The following NLGN1 variants were observed in gnomAD, a reference collection of about 807,000 sequenced individuals.
The protein encoded by NLGN1 is neuroligin 1.
In NLGN1, 12 loss-of-function variants were observed where a neutral mutation model predicts 65.5. That is an observed-to-expected ratio of 0.18 (90% CI 0.12 to 0.30). The LOEUF is 0.30. NLGN1 is among the 10% of genes least tolerant of loss of function. NLGN1 has a pLI of 1.00. For synonymous variants in NLGN1, 350 were observed against 359.5 expected, an observed-to-expected ratio of 0.97 and a Z score of 0.30; for missense variants, 750 against 1,007.1, an observed-to-expected ratio of 0.74 and a Z score of 3.46.
At chr3:173,411,953 G>A (rs1353341865) in intron 1 of NLGN1, among the ~76,000 whole-genome samples, 1 of 152,160 alleles carries the variant, frequency 6.6e-6, no homozygotes, top group Non-Finnish European at 1.5e-5. Context: ...TTCTGAAAGA[G>A]AATGGCAGAA....
At chr3:174,168,899 TA>T (rs1219576377) in intron 4 of NLGN1, among the ~76,000 whole-genome samples, 1 of 152,084 alleles carries the variant, frequency 6.6e-6, no homozygotes, top group Non-Finnish European at 1.5e-5. Flanking sequence ...TGCATGGGGA[TA>T]GGGGGTGGTC....
intron 4 of NLGN1, among the ~76,000 whole-genome samples, chr3:174,249,117 A>T (rs1383222052): frequency 6.6e-6 from 1 of 152,250 alleles, no homozygotes; most frequent in African/African-American, 2.4e-5. Flanking sequence ...AATGATGCAC[A>T]TCTTGAGTCC....
At chr3:173,883,522 A>G (rs977791275) in intron 4 of NLGN1, among the ~76,000 whole-genome samples, 6 of 152,196 alleles carry the variant, frequency 3.9e-5, no homozygotes, top group African/African-American at 1.4e-4. Flanking sequence ...TGTTGTTGAA[A>G]AACCGGTGCT....
intron 4 of NLGN1, among the ~76,000 whole-genome samples, chr3:173,996,214 A>G (rs1208038595): frequency 6.6e-6 from 1 of 152,204 alleles, no homozygotes; most frequent in Non-Finnish European, 1.5e-5. Flanking sequence ...TATAATTTAC[A>G]TAATGGTTTC....
At chr3:174,088,038 GTATGTA>G (rs1273619977) in intron 4 of NLGN1, among the ~76,000 whole-genome samples, 3 of 152,172 alleles carry the variant, frequency 2.0e-5, no homozygotes, top group Admixed American at 2.0e-4. Context: ...TTATATATGT[GTATGTA>G]TAGCGTATAT....
intron 2 of NLGN1, among the ~76,000 whole-genome samples, chr3:173,535,387 C>T (rs934350530): frequency 6.6e-6 from 1 of 152,180 alleles, no homozygotes; most frequent in African/African-American, 2.4e-5. Context: ...TGCATGGCTA[C>T]GTGATAAGTT....
intron 2 of NLGN1, among the ~76,000 whole-genome samples, chr3:173,447,627 T>C (rs985184742): frequency 1.3e-5 from 2 of 152,214 alleles, no homozygotes; most frequent in Non-Finnish European, 1.5e-5. Context: ...GGGGATGGCA[T>C]TGAATCTATA....
At chr3:174,156,770 G>A (rs945905143) in intron 4 of NLGN1, among the ~76,000 whole-genome samples, 3 of 151,522 alleles carry the variant, frequency 2.0e-5, no homozygotes, top group African/African-American at 7.3e-5. Flanking sequence ...TGTGATTAAT[G>A]TCAAAATGTA....
intron 4 of NLGN1, among the ~76,000 whole-genome samples, chr3:174,098,191 G>A (rs1711528263): frequency 6.6e-6 from 1 of 152,032 alleles, no homozygotes; most frequent in African/African-American, 2.4e-5. Context: ...TCCAGGATTG[G>A]GACTATTTCC....
At chr3:173,720,237 T>C (rs1175278331) in intron 3 of NLGN1, among the ~76,000 whole-genome samples, 1 of 152,196 alleles carries the variant, frequency 6.6e-6, no homozygotes, top group Non-Finnish European at 1.5e-5. Context: ...AAATAAACAC[T>C]CTTGAGAGAG....
At chr3:173,729,443 A>G (rs1245603437) in intron 3 of NLGN1, among the ~76,000 whole-genome samples, 2 of 152,140 alleles carry the variant, frequency 1.3e-5, no homozygotes, top group East Asian at 1.9e-4. Flanking sequence ...AGGCTTTGGT[A>G]TCTAAAGATT....
At chr3:173,776,402 C>A (rs1348234955) in intron 3 of NLGN1, among the ~76,000 whole-genome samples, 1 of 151,836 alleles carries the variant, frequency 6.6e-6, no homozygotes, top group Non-Finnish European at 1.5e-5. Context: ...CAGCTTTGTT[C>A]CTCTCTCATT....
intron 3 of NLGN1, among the ~76,000 whole-genome samples, chr3:173,679,797 T>C (rs1485385204): frequency 1.3e-5 from 2 of 152,100 alleles, no homozygotes; most frequent in African/African-American, 4.8e-5. Flanking sequence ...ATTTTGGTAA[T>C]TGTTAACCAT....
intron 1 of NLGN1, among the ~76,000 whole-genome samples, chr3:173,423,012 G>A (rs1715400826): frequency 6.6e-6 from 1 of 152,108 alleles, no homozygotes; most frequent in Admixed American, 6.5e-5. Context: ...ATTCTGCATG[G>A]CTGGGGAGGC....
In NLGN1 at chr3:173,492,836, A is replaced by T. The variant is rs537099159; in HGVS notation, c.-321+57758A>T. On this transcript the variant is annotated intron_variant, in intron 2 of 6. Coordinates refer to ENST00000457714, the Ensembl canonical transcript of NLGN1. ...ATTAAAGCAGATGATAGTGTGAATA[A>T]ATCATGCTAGAGAAACCCTATGCTT... Among the ~76,000 whole-genome samples, 177 of 151,930 alleles carry T rather than the reference A, an allele frequency of 1.2e-3. 1 individual carries two copies. The Middle Eastern group carries it at 0.024, about 20-fold the overall frequency.
intron 4 of NLGN1, among the ~76,000 whole-genome samples, chr3:174,068,581 T>C (rs573492020): frequency 6.6e-6 from 1 of 152,276 alleles, no homozygotes; most frequent in African/African-American, 2.4e-5. Context: ...TATCTTATAC[T>C]CAGAATTAGC....
intron 4 of NLGN1, among the ~76,000 whole-genome samples, chr3:174,231,086 C>T (rs191722516): frequency 1.1e-4 from 17 of 152,190 alleles, no homozygotes; most frequent in Non-Finnish European, 1.8e-4. Context: ...CACCCAGGAA[C>T]GAACAAGGAT....
chr3:173,625,414 T>G (rs78203782), intron 3 of NLGN1, among the ~76,000 whole-genome samples: 2,144 of 152,192 alleles, frequency 0.014, 53 homozygotes, highest in African/African-American at 0.049. Context: ...ATAAAGAAAT[T>G]TAGGTTTGCC....
chr3:173,762,744 A>G (rs987059232), intron 3 of NLGN1, among the ~76,000 whole-genome samples: 1 of 152,058 alleles, frequency 6.6e-6, no homozygotes, highest in Non-Finnish European at 1.5e-5. Context: ...TAGACATGGA[A>G]AGTGACTGCT....
Sources: gnomAD v4.1 joint callset for allele counts (sites outside exome capture counted in the v4.1 genomes callset) on GRCh38, gnomAD v4.1.1 for gene constraint, MANE v1.5 for transcripts, NCBI Gene and HGNC (gene_info 2026-07-23, HGNC 2026-07-21) for gene names.